Variants in SUGCT observed in about 807,000 individuals in gnomAD.
SUGCT encodes the protein succinyl-CoA:glutarate CoA-transferase.
Under a neutral mutation model 55.0 loss-of-function variants are expected in SUGCT, and 41 were observed. The ratio of observed to expected loss-of-function variants is 0.74; its 90% confidence interval spans 0.58 to 0.97. The LOEUF (loss-of-function observed/expected upper bound fraction) is 0.97, where lower values mean the gene tolerates loss of function less well. SUGCT is among the 50% of genes least tolerant of loss of function. The probability of loss-of-function intolerance (pLI) is 0.00; values close to 1 mark genes in which losing one functional copy is unlikely to be tolerated. For synonymous variants in SUGCT, 187 were observed against 200.4 expected, an observed-to-expected ratio of 0.93 and a Z score of 0.56; for missense variants, 568 against 547.8, an observed-to-expected ratio of 1.04 and a Z score of -0.37.
chr7:40,869,621 A>G, the SUGCT span, among the ~76,000 whole-genome samples: 1 of 152,232 alleles, frequency 6.6e-6, no homozygotes, highest in Non-Finnish European at 1.5e-5. Context: ...CCTCTAAGCT[A>G]GGAGTAATTT....
At chr7:40,149,861 G>A (rs1788459243) in intron 1 of SUGCT, among the ~76,000 whole-genome samples, 1 of 152,226 alleles carries the variant, frequency 6.6e-6, no homozygotes, top group Non-Finnish European at 1.5e-5. Context: ...GGAGGTTGCA[G>A]TGAGCTGAGA....
chr7:40,274,803 G>A (rs1792354411), intron 8 of SUGCT, 147 bp downstream of exon 8: 2 of 821,780 alleles, frequency 2.4e-6, no homozygotes, highest in South Asian at 3.7e-5. Flanking sequence ...TGATGTACTT[G>A]TTTCTTTTCT....
chr7:40,581,706 ACC>A (rs981581093), intron 12 of SUGCT, among the ~76,000 whole-genome samples: 2 of 152,210 alleles, frequency 1.3e-5, no homozygotes, highest in African/African-American at 4.8e-5. Flanking sequence ...AAATAGGAAC[ACC>A]CATAGGCTAG....
At chr7:40,394,558 A>T (rs756516141) in intron 9 of SUGCT, among the ~76,000 whole-genome samples, 13 of 152,228 alleles carry the variant, frequency 8.5e-5, no homozygotes, top group Non-Finnish European at 1.5e-4. Context: ...AGTCAAGTTA[A>T]TTAACCTATG....
chr7:40,708,185 A>G (rs1440505684), intron 12 of SUGCT, among the ~76,000 whole-genome samples: 1 of 152,184 alleles, frequency 6.6e-6, no homozygotes, highest in Non-Finnish European at 1.5e-5. Flanking sequence ...TTTCAGTACT[A>G]ACGTCAACAT....
At chr7:40,168,235 C>T (rs1562810197) in intron 1 of SUGCT, among the ~76,000 whole-genome samples, 1 of 152,128 alleles carries the variant, frequency 6.6e-6, no homozygotes, top group Non-Finnish European at 1.5e-5. Context: ...TACCCCCCAA[C>T]AGGAAAACCC....
intron 12 of SUGCT, among the ~76,000 whole-genome samples, chr7:40,534,713 C>T (rs1298713138): frequency 6.6e-6 from 1 of 152,176 alleles, no homozygotes; most frequent in African/African-American, 2.4e-5. Flanking sequence ...GCCACTGCGC[C>T]CGGCCTAAAA....
At chr7:40,607,106 AT>A (rs201083553) in intron 12 of SUGCT, among the ~76,000 whole-genome samples, 16,308 of 140,886 alleles carry the variant, frequency 0.12, 913 homozygotes, top group African/African-American at 0.15. Flanking sequence ...CTTTTTCTGG[AT>A]TTTTTTTTTT....
At chr7:40,871,251 T>A in the SUGCT span, among the ~76,000 whole-genome samples, 1 of 152,236 alleles carries the variant, frequency 6.6e-6, no homozygotes, top group Non-Finnish European at 1.5e-5. Flanking sequence ...GTGCCATTTC[T>A]AAGCTAAGTC....
chr7:40,252,864 G>T (rs965294069), intron 7 of SUGCT, among the ~76,000 whole-genome samples: 1 of 151,938 alleles, frequency 6.6e-6, no homozygotes, highest in Non-Finnish European at 1.5e-5. Flanking sequence ...GCCCAGAGTG[G>T]TCTTGAAACC....
the SUGCT span, among the ~76,000 whole-genome samples, chr7:40,960,249 T>A: frequency 2.0e-5 from 3 of 152,200 alleles, no homozygotes; most frequent in African/African-American, 7.2e-5. Flanking sequence ...AGTATCTCAT[T>A]TGCACACTCT....
intron 12 of SUGCT, among the ~76,000 whole-genome samples, chr7:40,667,047 C>T (rs1268295200): frequency 2.8e-5 from 4 of 145,330 alleles, no homozygotes; most frequent in Non-Finnish European, 4.5e-5. Context: ...CCTGGGAGGT[C>T]AAGGCTGTAT....
At chr7:40,676,554 G>A (rs1783995244) in intron 12 of SUGCT, among the ~76,000 whole-genome samples, 2 of 148,944 alleles carry the variant, frequency 1.3e-5, no homozygotes, top group African/African-American at 2.5e-5. Context: ...CCGGGCTGGA[G>A]TGCAGTGGCA....
At chr7:40,335,253 T>G (rs1360610411) in intron 9 of SUGCT, among the ~76,000 whole-genome samples, 3 of 152,206 alleles carry the variant, frequency 2.0e-5, no homozygotes, top group Non-Finnish European at 4.4e-5. Flanking sequence ...TTTGGTTCCA[T>G]ATGAACTTTA....
At chr7:40,788,046 C>A (rs1260158670) in intron 13 of SUGCT, among the ~76,000 whole-genome samples, 1 of 152,194 alleles carries the variant, frequency 6.6e-6, no homozygotes, top group East Asian at 1.9e-4. Context: ...CTACCACCTG[C>A]TGTATCCATG....
At chr7:40,891,197 G>A in the SUGCT span, among the ~76,000 whole-genome samples, 4 of 152,116 alleles carry the variant, frequency 2.6e-5, no homozygotes, top group Admixed American at 1.3e-4. Context: ...CATTATGGGA[G>A]TTCTAATGGA....
chr7:40,437,687 A>G (rs1294610605), intron 9 of SUGCT, among the ~76,000 whole-genome samples: 3 of 152,136 alleles, frequency 2.0e-5, no homozygotes, highest in African/African-American at 7.2e-5. Context: ...ATAGTGCTCT[A>G]TGTTTGTCAT....
chr7:40,531,834 C>T (rs1301391615), intron 12 of SUGCT, among the ~76,000 whole-genome samples: 2 of 152,180 alleles, frequency 1.3e-5, no homozygotes, highest in Admixed American at 6.5e-5. Flanking sequence ...CCACTACGCC[C>T]GGCTAATTTT....
chr7:41,028,591 G>A, the SUGCT span, among the ~76,000 whole-genome samples: 2 of 152,222 alleles, frequency 1.3e-5, no homozygotes, highest in African/African-American at 4.8e-5. Flanking sequence ...TGTACAGCAT[G>A]TTATTGTGCT....
Sources: gnomAD v4.1 joint callset for allele counts (sites outside exome capture counted in the v4.1 genomes callset) on GRCh38, gnomAD v4.1.1 for gene constraint, MANE v1.5 for transcripts, NCBI Gene and HGNC (gene_info 2026-07-23, HGNC 2026-07-21) for gene names.